Variants in ARIH2 observed in about 807,000 individuals in gnomAD.
ARIH2 encodes E3 ubiquitin-protein ligase ARIH2.
ARIH2 carries 12 observed loss-of-function variants against 79.8 expected under a neutral mutation model. The ratio of observed to expected loss-of-function variants is 0.15; its 90% CI spans 0.10 to 0.24. The LOEUF (loss-of-function observed/expected upper bound fraction) is 0.24, where lower values mean the gene tolerates loss of function less well. ARIH2 is among the 10% of genes least tolerant of loss of function. The pLI is 1.00. For missense variants in ARIH2, 301 were observed against 618.3 expected, an observed-to-expected ratio of 0.49 and a Z score of 5.44; for synonymous variants, 224 against 213.9, an observed-to-expected ratio of 1.05 and a Z score of -0.41.
intron 3 of ARIH2, among the ~76,000 whole-genome samples, chr3:48,947,387 G>C (rs931368173): frequency 1.4e-5 from 2 of 143,282 alleles, no homozygotes; most frequent in East Asian, 4.1e-4. Flanking sequence ...GTTGTGGTGA[G>C]CCAAGATCGT....
chr3:48,981,166 CA>C (rs141053808), intron 13 of ARIH2, among the ~76,000 whole-genome samples: 1 of 150,812 alleles, frequency 6.6e-6, no homozygotes, highest in Non-Finnish European at 1.5e-5. Context: ...CCCGTCTCTA[CA>C]AAAAAAATAC....
At chr3:48,930,523 GCT>G (rs1216970961) in intron 3 of ARIH2, among the ~76,000 whole-genome samples, 1 of 152,052 alleles carries the variant, frequency 6.6e-6, no homozygotes, top group Non-Finnish European at 1.5e-5. Context: ...ATGGGGTCTT[GCT>G]ATGTTGCCTA....
At chr3:48,954,982 G>C (rs2090411721) in intron 3 of ARIH2, among the ~76,000 whole-genome samples, 1 of 152,198 alleles carries the variant, frequency 6.6e-6, no homozygotes, top group African/African-American at 2.4e-5. Flanking sequence ...ATGATCACTT[G>C]AGGTCAGGAG....
chr3:48,934,364 C>G, intron 3 of ARIH2: 2 of 937,642 alleles, frequency 2.1e-6, no homozygotes, highest in Non-Finnish European at 2.5e-6. Context: ...TCTGATATAG[C>G]TGAATTTTAA....
chr3:48,925,537 T>C (rs1204888646), intron 2 of ARIH2, among the ~76,000 whole-genome samples: 1 of 152,012 alleles, frequency 6.6e-6, no homozygotes, highest in Non-Finnish European at 1.5e-5. Flanking sequence ...TCTGGGATTA[T>C]AGTTGTGAGC....
intron 3 of ARIH2, among the ~76,000 whole-genome samples, chr3:48,945,693 C>A (rs922761403): frequency 6.6e-6 from 1 of 152,028 alleles, no homozygotes; most frequent in Non-Finnish European, 1.5e-5. Flanking sequence ...AGAAGACTTG[C>A]TTGAATGCGG....
chr3:48,983,413 A>G lies in ARIH2; in HGVS notation c.*143A>G. 2.7e-6 allele frequency: 2 copies of G among 735,768 alleles called. No homozygotes were observed. The highest frequency in any genetic ancestry group is 4.9e-5 in the East Asian group (2 of 40,462). 45.6% of individuals were successfully genotyped at this position (735,768 alleles called of 1,614,324 possible). On this transcript the variant is annotated 3_prime_UTR_variant, in exon 16 of 16. Coordinates refer to ENST00000356401, the MANE Select transcript of ARIH2 (RefSeq NM_006321.4). The stretch of plus-strand genomic sequence containing the variant: ...CTGAGAGACACTGGCAACACCTCTT[A>G]GTTGATTTCTGTTTTCTTCTCTTTT...
At chr3:48,957,840 C>T (rs1383123026) in intron 3 of ARIH2, among the ~76,000 whole-genome samples, 4 of 152,040 alleles carry the variant, frequency 2.6e-5, no homozygotes, top group African/African-American at 7.2e-5. Context: ...CTCAACTTCC[C>T]GAGTAGCTGG....
chr3:48,964,796 G>GCTTA, intron 4 of ARIH2, 123 bp from the exon 5 acceptor site: 1 of 704,790 alleles, frequency 1.4e-6, no homozygotes, highest in Non-Finnish European at 2.4e-6. Flanking sequence ...ATAAAAGGAA[G>GCTTA]CTTAGTTCTG....
intron 3 of ARIH2, among the ~76,000 whole-genome samples, chr3:48,956,972 C>G (rs2090667819): frequency 6.6e-6 from 1 of 151,774 alleles, no homozygotes; most frequent in Non-Finnish European, 1.5e-5. Flanking sequence ...CTCGGCCTCC[C>G]AAAGTGCTGG....
intron 3 of ARIH2, among the ~76,000 whole-genome samples, chr3:48,941,834 C>T (rs948998130): frequency 1.1e-4 from 16 of 151,406 alleles, no homozygotes; most frequent in African/African-American, 2.9e-4. Flanking sequence ...CACCCTGCCT[C>T]GGCCTCCCAA....
At chr3:48,965,371 G>A (rs527761842) in intron 5 of ARIH2, among the ~76,000 whole-genome samples, 2 of 151,956 alleles carry the variant, frequency 1.3e-5, no homozygotes, top group Non-Finnish European at 2.9e-5. Context: ...AAAAAAAAAG[G>A]AGCTCTCTTT....
At chr3:48,919,411 G>A (rs967978490) in intron 1 of ARIH2, 1 of 370,214 alleles carries the variant, frequency 2.7e-6, no homozygotes, top group Non-Finnish European at 4.8e-6. Context: ...CGGGCTCCGC[G>A]TCCGCGCGAA....
Position 48,982,956 on chromosome 3 carries a change from C to T in ARIH2, c.1387C>T (p.Arg463Cys). 1 of 1,614,176 alleles carries T rather than the reference C, an allele frequency of 6.2e-7. No homozygotes were observed. Among genetic ancestry groups the T allele is most frequent in the Non-Finnish European group, 8.5e-7 (1 of 1,180,020 alleles). ...EIENLSWKVERADSYDRGDLE... is the reference protein window; with the variant it reads ...EIENLSWKVECADSYDRGDLE... Reference sequence around the variant, plus strand: ...CGAAAACCTCTCATGGAAAGTGGAGCGTGCAGACAGCTATGACAGAGGGGT... The same window carrying T: ...CGAAAACCTCTCATGGAAAGTGGAGTGTGCAGACAGCTATGACAGAGGGGT... The change falls in exon 15 of 16, where the codon CGT becomes TGT. Residue 463 changes from arginine (R) to cysteine (C), a missense_variant. Arg to Cys is a radical substitution (Grantham distance 180). This residue lies in a region of ARIH2 where 78 missense variants were observed against 268.9 expected (regional missense o/e 0.29). Transcript: ENST00000356401.
At chr3:48,980,256 C>A in intron 12 of ARIH2, 97 bp from the exon 13 acceptor site, 1 of 1,287,288 alleles carries the variant, frequency 7.8e-7, no homozygotes, top group Non-Finnish European at 1.1e-6. Context: ...AGTCTGTGGC[C>A]ATGTCCTGCC....
intron 3 of ARIH2, 115 bp from the exon 4 acceptor site, chr3:48,961,497 G>T: frequency 1.8e-6 from 1 of 566,316 alleles, no homozygotes; most frequent in Non-Finnish European, 3.2e-6. Flanking sequence ...GGAGGAATTT[G>T]GTAATCCAGC....
At chr3:48,980,269 C>A in intron 12 of ARIH2, 84 bp from the exon 13 acceptor site, 1 of 1,423,368 alleles carries the variant, frequency 7.0e-7, no homozygotes, top group Non-Finnish European at 9.6e-7. Context: ...GTCCTGCCAG[C>A]AAGGTGTCTA....
At chr3:48,955,582 G>A (rs1049173790) in intron 3 of ARIH2, among the ~76,000 whole-genome samples, 2 of 152,214 alleles carry the variant, frequency 1.3e-5, no homozygotes, top group African/African-American at 2.4e-5. Flanking sequence ...AGTTATGAAA[G>A]TGTTGACTGT....
chr3:48,931,881 CA>C (rs1331044503), intron 3 of ARIH2, among the ~76,000 whole-genome samples: 2 of 151,252 alleles, frequency 1.3e-5, no homozygotes, highest in Non-Finnish European at 3.0e-5. Context: ...TGGTGGTGGG[CA>C]CCTGTAGTCC....
Sources: allele counts gnomAD v4.1 joint callset (sites outside exome capture counted in the v4.1 genomes callset), GRCh38; gene constraint gnomAD v4.1.1; regional missense constraint gnomAD v4.1.1; transcripts MANE v1.5; gene names NCBI Gene and HGNC (gene_info 2026-07-23, HGNC 2026-07-21).